The following DOCK4 variants were observed in gnomAD, a reference collection of about 807,000 sequenced individuals.
DOCK4 encodes dedicator of cytokinesis protein 4.
DOCK4 carries 97 observed loss-of-function variants against 268.1 expected under a neutral mutation model. The ratio of observed to expected loss-of-function variants is 0.36; its 90% confidence interval spans 0.31 to 0.43. DOCK4 has a LOEUF of 0.43. Ranked by LOEUF, DOCK4 falls within the 20% of genes least tolerant of loss-of-function variation. DOCK4 has a pLI of 1.00. For missense variants in DOCK4, 2,145 were observed against 2,455.7 expected, an observed-to-expected ratio of 0.87 and a Z score of 2.67; for synonymous variants, 954 against 887.2, an observed-to-expected ratio of 1.08 and a Z score of -1.34.
intron 26 of DOCK4, among the ~76,000 whole-genome samples, chr7:111,827,204 T>C (rs1021802162): frequency 1.3e-5 from 2 of 152,354 alleles, no homozygotes; most frequent in African/African-American, 4.8e-5. Flanking sequence ...CATTGAAACT[T>C]ATATTCTTAA....
At chr7:111,852,129 A>G (rs906056344) in intron 23 of DOCK4, among the ~76,000 whole-genome samples, 1 of 151,986 alleles carries the variant, frequency 6.6e-6, no homozygotes, top group East Asian at 1.9e-4. Context: ...TGCCCGGCTA[A>G]TGTTTTGTAT....
intron 42 of DOCK4, among the ~76,000 whole-genome samples, chr7:111,753,419 G>A (rs1243667434): frequency 6.6e-6 from 1 of 152,122 alleles, no homozygotes; most frequent in Admixed American, 6.5e-5. Flanking sequence ...AGGCTGCAGT[G>A]AGCCATGATC....
intron 16 of DOCK4, among the ~76,000 whole-genome samples, chr7:111,884,077 A>G (rs1807643010): frequency 6.6e-6 from 1 of 152,184 alleles, no homozygotes; most frequent in Non-Finnish European, 1.5e-5. Flanking sequence ...TTTATCCAGT[A>G]GGATTACACT....
chr7:112,058,453 G>A (rs894630645), intron 1 of DOCK4, among the ~76,000 whole-genome samples: 1 of 152,142 alleles, frequency 6.6e-6, no homozygotes, highest in East Asian at 1.9e-4. Flanking sequence ...TCTAAACCAC[G>A]CTGTTTGATG....
intron 12 of DOCK4, among the ~76,000 whole-genome samples, chr7:111,933,245 TATAC>T (rs1413338516): frequency 6.9e-6 from 1 of 144,724 alleles, no homozygotes; most frequent in African/African-American, 2.5e-5. Context: ...TATACGTATA[TATAC>T]ATATATACTT....
intron 1 of DOCK4, among the ~76,000 whole-genome samples, chr7:112,198,565 A>C (rs1013856781): frequency 1.9e-4 from 29 of 152,120 alleles, no homozygotes; most frequent in Admixed American, 6.5e-4. Context: ...TCATGGACTT[A>C]TCTCTCACCT....
chr7:111,979,442 G>GT, intron 7 of DOCK4, among the ~76,000 whole-genome samples: 1 of 149,572 alleles, frequency 6.7e-6, no homozygotes, highest in East Asian at 2.0e-4. Context: ...ATTTTGCCTT[G>GT]TTTTCTATAA....
intron 12 of DOCK4, among the ~76,000 whole-genome samples, chr7:111,924,143 TTTCCTGATAGTTTA>T (rs1382683431): frequency 6.6e-6 from 1 of 152,226 alleles, no homozygotes; most frequent in Non-Finnish European, 1.5e-5. Context: ...TGCTACCTCT[TTTCCTGATAGTTTA>T]TTACCTAAAA....
At chr7:112,119,863 T>TC (rs1326822187) in intron 1 of DOCK4, among the ~76,000 whole-genome samples, 95 of 151,692 alleles carry the variant, frequency 6.3e-4, no homozygotes, top group African/African-American at 2.1e-3. Context: ...TTTTTTTTTT[T>TC]CCGAGATGGA....
chr7:112,134,828 T>G (rs769500404), intron 1 of DOCK4, among the ~76,000 whole-genome samples: 36 of 152,228 alleles, frequency 2.4e-4, no homozygotes, highest in Non-Finnish European at 4.4e-4. Flanking sequence ...AGTGCCACAA[T>G]GCATTATCCT....
At chr7:112,203,623 C>T in intron 1 of DOCK4, among the ~76,000 whole-genome samples, 1 of 152,050 alleles carries the variant, frequency 6.6e-6, no homozygotes, top group South Asian at 2.1e-4. Flanking sequence ...AATGAAGAAA[C>T]TAAATTACCA....
At chr7:112,176,545 T>C (rs955356097) in intron 1 of DOCK4, among the ~76,000 whole-genome samples, 4 of 152,144 alleles carry the variant, frequency 2.6e-5, no homozygotes, top group African/African-American at 9.7e-5. Context: ...GAAAAATGTA[T>C]TGGAAAAAAA....
chr7:111,959,952 G>A (rs1269515512), intron 8 of DOCK4, among the ~76,000 whole-genome samples: 1 of 152,184 alleles, frequency 6.6e-6, no homozygotes, highest in Non-Finnish European at 1.5e-5. Flanking sequence ...TCCCATTGGT[G>A]CGGCCATCAC....
chr7:111,840,715 C>T, intron 25 of DOCK4: 1 of 975,296 alleles, frequency 1.0e-6, no homozygotes, highest in Non-Finnish European at 1.3e-6. Flanking sequence ...GCTTACAGAG[C>T]ACTGGAAGAA....
At position 112,203,119 on chromosome 7, in the gene DOCK4, C is replaced by G. The variant is rs376192000; in HGVS notation, c.37+2983G>C. On this transcript the variant is annotated intron_variant, in intron 1 of 52. Coordinates refer to ENST00000428084, the MANE Select transcript of DOCK4 (RefSeq NM_001363540.2). ...GGCTTTAGTTAACACTTGCCCCAGACGCTGGGACCCAGAAAGGCTAAGTGA... is the reference window on the plus strand; with the variant it reads ...GGCTTTAGTTAACACTTGCCCCAGAGGCTGGGACCCAGAAAGGCTAAGTGA... 3.3e-5 allele frequency among the ~76,000 whole-genome samples: 5 copies of G among 152,186 alleles called. No individual in the cohort carries two copies. The South Asian group carries it at 1.0e-3, about 32-fold the overall frequency.
At chr7:111,968,856 T>C (rs1272675597) in intron 8 of DOCK4, among the ~76,000 whole-genome samples, 1 of 54,610 alleles carries the variant, frequency 1.8e-5, no homozygotes, top group East Asian at 6.9e-4. Flanking sequence ...GTGGCACATA[T>C]ACACCATGGA....
Position 111,741,176 on chromosome 7 carries a change from G to C in DOCK4, c.4958C>G (p.Ser1653Cys). The C allele has an allele frequency of 6.2e-7, 1 of 1,614,000 alleles. No individual in the cohort carries two copies. Among genetic ancestry groups the C allele is most frequent in the Non-Finnish European group, 8.5e-7 (1 of 1,179,888 alleles). Residue 1653 changes from serine to cysteine, a missense_variant, in exon 47 of 53, where the codon TCC becomes TGC. Physicochemically the swap from Ser to Cys is moderately radical, Grantham distance 112 (BLOSUM62 -1). This residue lies in a region of DOCK4 where 547 missense variants were observed against 469.0 expected (regional missense o/e 1.17). Transcript: ENST00000428084. Reference protein sequence around the residue: ...SYPAVNRYSSSSLSSQASAEV... With the variant: ...SYPAVNRYSSCSLSSQASAEV... ...AGCAGAAGCTTGTGAGGACAGTGAG[G>C]AGGAAGAATATCGGTTGACAGCTGG... is the stretch of plus-strand genomic sequence containing the variant.
chr7:111,863,356 A>G lies in DOCK4; in HGVS notation c.2473+16T>C. 1.2e-6 allele frequency: 2 copies of G among 1,613,976 alleles called. No homozygotes were observed. The highest frequency in any genetic ancestry group is 2.2e-5 in the South Asian group (2 of 91,066). ...GCTTTTCAGAGGCACAATTTCCTCC[A>G]AGAGACTCACCCTACCTGGGTTGGT... On this transcript the variant is annotated intron_variant, in intron 23 of 52. Coordinates refer to ENST00000428084, the MANE Select transcript of DOCK4 (RefSeq NM_001363540.2).
chr7:112,206,315 C>T lies in DOCK4; in HGVS notation c.-177G>A. 1 of 643,582 alleles carries T rather than the reference C, an allele frequency of 1.6e-6. No homozygotes were observed. The highest frequency in any genetic ancestry group is 2.6e-6 in the Non-Finnish European group (1 of 379,390). The allele number at this position is 643,582 out of a possible 1,614,324, so 39.9% of individuals were successfully genotyped here. A position where few individuals can be genotyped will look rare whatever the true frequency, so the allele number is the denominator to read the frequency against. On this transcript the variant is annotated 5_prime_UTR_variant, in exon 1 of 53. Coordinates refer to ENST00000428084, the MANE Select transcript of DOCK4 (RefSeq NM_001363540.2). Reference sequence around the variant, plus strand: ...TCCCGAGCCCAGCGTTGACACTGCGCCGCCCGCAGCTCTCCCGGCGGCGGC... The same window carrying T: ...TCCCGAGCCCAGCGTTGACACTGCGTCGCCCGCAGCTCTCCCGGCGGCGGC...
Sources: gnomAD v4.1 joint callset for allele counts (sites outside exome capture counted in the v4.1 genomes callset) on GRCh38, gnomAD v4.1.1 for gene constraint, gnomAD v4.1.1 regional missense constraint, MANE v1.5 for transcripts, NCBI Gene and HGNC (gene_info 2026-07-23, HGNC 2026-07-21) for gene names.